Variants in CDCP1 observed in about 807,000 individuals in gnomAD.
The protein encoded by CDCP1 is CUB domain-containing protein 1.
Under a neutral mutation model 60.2 loss-of-function variants are expected in CDCP1, and 29 were observed. That is an observed-to-expected ratio of 0.48 (90% CI 0.36 to 0.66). CDCP1 has a LOEUF of 0.66. Ranked by LOEUF, CDCP1 falls within the 30% of genes least tolerant of loss-of-function variation. The pLI, the probability that CDCP1 is intolerant of heterozygous loss-of-function variation, is 0.00. For synonymous variants in CDCP1, 387 were observed against 431.1 expected (o/e 0.90, Z 1.27); for missense variants, 876 against 1,074.3 (o/e 0.82, Z 2.58).
At chr3:45,143,862 G>A (rs1274245390) in intron 1 of CDCP1, among the ~76,000 whole-genome samples, 15 of 152,226 alleles carry the variant, frequency 9.9e-5, no homozygotes, top group East Asian at 5.8e-4. Context: ...ACTCATCAGC[G>A]CTACCAGTTA....
intron 1 of CDCP1, among the ~76,000 whole-genome samples, chr3:45,134,484 T>C (rs1234471466): frequency 6.6e-6 from 1 of 152,208 alleles, no homozygotes; most frequent in Non-Finnish European, 1.5e-5. Context: ...GGGACTTGAC[T>C]GGGGAGTGTG....
Position 45,091,995 on chromosome 3 carries a change from G to A in CDCP1, c.1628-457C>T, listed in dbSNP as rs769396567. Among the ~76,000 whole-genome samples the A allele has an allele frequency of 3.3e-4, 50 of 152,194 alleles. No homozygotes were observed. The highest frequency in any genetic ancestry group is 5.0e-4 in the Non-Finnish European group (34 of 67,996). The stretch of plus-strand genomic sequence containing the variant: ...TTTTTAGTAGAGATGGGGTTTCACC[G>A]TGTTGGCCAGGCTGCTCTTGAACTC... On this transcript the variant is annotated intron_variant, in intron 6 of 8. Coordinates refer to ENST00000296129, the MANE Select transcript of CDCP1 (RefSeq NM_022842.5). This position sits in a 1 kb window ranked among gnomAD's most constrained non-coding sequence, Gnocchi z 4.8.
intron 1 of CDCP1, among the ~76,000 whole-genome samples, chr3:45,124,857 C>A (rs547761549): frequency 1.3e-5 from 2 of 152,300 alleles, no homozygotes; most frequent in East Asian, 3.9e-4. Flanking sequence ...CCCAAGGGGA[C>A]ACACACACCA....
chr3:45,137,652 C>CAAAAAAAAA, intron 1 of CDCP1, among the ~76,000 whole-genome samples: 1 of 118,136 alleles, frequency 8.5e-6, no homozygotes, highest in Non-Finnish European at 1.7e-5. Context: ...ATTAAAAATA[C>CAAAAAAAAA]AAAAAAAAAA....
At chr3:45,114,221 G>T (rs929412514) in intron 2 of CDCP1, among the ~76,000 whole-genome samples, 7 of 152,144 alleles carry the variant, frequency 4.6e-5, no homozygotes, top group Non-Finnish European at 8.8e-5. Flanking sequence ...TAAGAGCTTT[G>T]TTTTTTAGGA....
chr3:45,113,256 T>C (rs1043788601), intron 2 of CDCP1, among the ~76,000 whole-genome samples: 1 of 152,236 alleles, frequency 6.6e-6, no homozygotes, highest in Non-Finnish European at 1.5e-5. Flanking sequence ...GCCATTTCTC[T>C]TCTTGCACTG....
intron 4 of CDCP1, among the ~76,000 whole-genome samples, chr3:45,097,507 TAAAAAA>T (rs375695747): frequency 0.015 from 1,868 of 126,654 alleles, 18 homozygotes; most frequent in Non-Finnish European, 0.022. Flanking sequence ...TTCTTTTGTT[TAAAAAA>T]AAAAAAAAAA....
chr3:45,091,599 G>A lies in CDCP1; in HGVS notation c.1628-61C>T, dbSNP rs1698297528. 2 of 1,507,906 alleles carry A rather than the reference G, an allele frequency of 1.3e-6. No individual in the cohort carries two copies. The highest frequency in any genetic ancestry group is 1.8e-6 in the Non-Finnish European group (2 of 1,129,960). 93.4% of individuals were successfully genotyped at this position (1,507,906 alleles called of 1,614,324 possible). On this transcript the variant is annotated intron_variant, in intron 6 of 8. Transcript: ENST00000296129. The surrounding 1 kb of genome is among the most constrained non-coding windows in gnomAD (Gnocchi z 4.8). ...CATTCAGTCAACATGGAGAGGAAAG[G>A]GAGTGGTGGAGGAGACGAAGTCCAA...
chr3:45,134,810 C>G (rs867609648), intron 1 of CDCP1, among the ~76,000 whole-genome samples: 32 of 152,086 alleles, frequency 2.1e-4, no homozygotes, highest in Middle Eastern at 6.8e-3. Context: ...CACATGCCTT[C>G]CTCACCCAGA....
Position 45,091,068 on chromosome 3 carries a change from T to C in CDCP1, c.1993+105A>G. On this transcript the variant is annotated intron_variant, in intron 7 of 8. Transcript: ENST00000296129. This position sits in a 1 kb window ranked among gnomAD's most constrained non-coding sequence, Gnocchi z 4.8. ...CAATAGCTGACTGATACATGGACAG[T>C]CAGGACTCAATCTGTGATTCTGACT... The C allele has an allele frequency of 7.8e-7, 1 of 1,283,198 alleles. No individual in the cohort carries two copies. Among genetic ancestry groups the C allele is most frequent in the Non-Finnish European group, 1.1e-6 (1 of 925,816 alleles). 79.5% of individuals were successfully genotyped at this position (1,283,198 alleles called of 1,614,324 possible). A position where few individuals can be genotyped will look rare whatever the true frequency, so the allele number is the denominator to read the frequency against.
At chr3:45,095,200 C>T (rs1698377113) in intron 5 of CDCP1, 147 bp downstream of exon 5, 2 of 687,068 alleles carry the variant, frequency 2.9e-6, no homozygotes, top group East Asian at 5.9e-5. Flanking sequence ...TCCCAAAGTG[C>T]TGGGATTACA....
chr3:45,093,506 C>A lies in CDCP1; in HGVS notation c.1398G>T (p.Lys466Asn). 1 of 1,614,120 alleles carries A rather than the reference C, an allele frequency of 6.2e-7. No homozygotes were observed. Among genetic ancestry groups the A allele is most frequent in the East Asian group, 2.2e-5 (1 of 44,884 alleles). Residue 466 changes from lysine (K) to asparagine (N), a missense_variant, in exon 6 of 9, where the codon AAG becomes AAT. Physicochemically the swap from Lys to Asn is moderately conservative, Grantham distance 94 (BLOSUM62 0). Around this residue, in one of 2 missense-constraint regions of CDCP1, gnomAD observed 726 missense variants for 935.7 expected, o/e 0.78. Coordinates refer to ENST00000296129, the MANE Select transcript of CDCP1 (RefSeq NM_022842.5). ...RLSLVLVPAQ[K>N]LQQHTHEKPC... ...GCTTCTCGTGTGTATGCTGCTGCAG[C>A]TTCTGGGCTGGCACCAGCACCAGGC...
At chr3:45,110,336 A>G in intron 4 of CDCP1, 137 bp downstream of exon 4, 6 of 1,450,096 alleles carry the variant, frequency 4.1e-6, no homozygotes, top group Non-Finnish European at 5.5e-6. Context: ...ACTTCCTGAA[A>G]CTCTTGCTGG....
intron 4 of CDCP1, among the ~76,000 whole-genome samples, chr3:45,100,207 G>A (rs1576086289): frequency 1.3e-5 from 2 of 152,198 alleles, no homozygotes; most frequent in Non-Finnish European, 2.9e-5. Flanking sequence ...CCGAAGGGAA[G>A]AAACATACCC....
chr3:45,103,584 C>A (rs926454286), intron 4 of CDCP1, among the ~76,000 whole-genome samples: 1 of 152,146 alleles, frequency 6.6e-6, no homozygotes, highest in Non-Finnish European at 1.5e-5. Context: ...CCCAGTGGGG[C>A]AATGTTGGGA....
At chr3:45,088,474 A>AAAATAAAT (rs535119366) in intron 8 of CDCP1, among the ~76,000 whole-genome samples, 1 of 152,092 alleles carries the variant, frequency 6.6e-6, no homozygotes, top group African/African-American at 2.4e-5. Context: ...CTCTGTCTCA[A>AAAATAAAT]AAATAAATAA....
chr3:45,093,962 G>A (rs1698351494), intron 5 of CDCP1, among the ~76,000 whole-genome samples: 1 of 152,134 alleles, frequency 6.6e-6, no homozygotes, highest in South Asian at 2.1e-4. Flanking sequence ...TGTCTTAGAT[G>A]CTAAGTGTCA....
At chr3:45,120,200 T>G (rs1178673710) in intron 1 of CDCP1, among the ~76,000 whole-genome samples, 1 of 152,250 alleles carries the variant, frequency 6.6e-6, no homozygotes. Context: ...TGAGTGAGCA[T>G]GCTGTATTCC....
chr3:45,143,442 T>G (rs1202831140), intron 1 of CDCP1, among the ~76,000 whole-genome samples: 1 of 152,182 alleles, frequency 6.6e-6, no homozygotes, highest in Non-Finnish European at 1.5e-5. Flanking sequence ...CTATTTTTAA[T>G]AAGAAAAACT....
Sources: allele counts gnomAD v4.1 joint callset (sites outside exome capture counted in the v4.1 genomes callset), GRCh38; gene constraint gnomAD v4.1.1; regional missense constraint gnomAD v4.1.1; non-coding constraint Gnocchi (gnomAD v3.1); transcripts MANE v1.5; gene names NCBI Gene and HGNC (gene_info 2026-07-23, HGNC 2026-07-21).